Variants in NALF1 observed in about 807,000 individuals in gnomAD.
NALF1 encodes the protein family with sequence similarity 155 member A.
Under a neutral mutation model 48.4 loss-of-function variants are expected in NALF1, and 3 were observed. The observed-to-expected ratio is 0.06, with a 90% confidence interval of 0.03 to 0.16. The LOEUF (loss-of-function observed/expected upper bound fraction) is 0.16. Among genes scored for constraint, NALF1 ranks in the 10% least tolerant of loss-of-function variants. The probability of loss-of-function intolerance (pLI) is 1.00; values close to 1 mark genes in which losing one functional copy is unlikely to be tolerated. For synonymous variants in NALF1, 262 were observed against 245.7 expected (o/e 1.07, Z -0.62); for missense variants, 526 against 571.5 (o/e 0.92, Z 0.81).
chr13:107,552,907 T>C (rs1877339514), intron 1 of NALF1, among the ~76,000 whole-genome samples: 1 of 152,074 alleles, frequency 6.6e-6, no homozygotes, highest in African/African-American at 2.4e-5. Context: ...CAATATTAAA[T>C]AGAGCTTAAA....
In NALF1 at chr13:107,476,906, A is replaced by G. The variant is rs544102018; in HGVS notation, c.916-266151T>C. 2.6e-5 allele frequency among the ~76,000 whole-genome samples: 4 copies of G among 152,224 alleles called. No homozygotes were observed. In the East Asian group the frequency reaches 7.7e-4, roughly 29 times the overall value. On this transcript the variant is annotated intron_variant, in intron 1 of 2. Coordinates refer to ENST00000375915, the MANE Select transcript of NALF1 (RefSeq NM_001080396.3). ...TTTGTAAGTCAATAAACAATTTAGG[A>G]AAGTAAGTAGAGAATTAAAATGGAC...
chr13:107,558,718 C>T (rs1254902803), intron 1 of NALF1, among the ~76,000 whole-genome samples: 4 of 152,246 alleles, frequency 2.6e-5, no homozygotes, highest in East Asian at 1.9e-4. Flanking sequence ...TGTTTCAGGG[C>T]GTTTCCCAGA....
intron 1 of NALF1, among the ~76,000 whole-genome samples, chr13:107,230,499 C>CATT (rs780422572): frequency 1.6e-4 from 25 of 151,948 alleles, no homozygotes; most frequent in Non-Finnish European, 2.9e-4. Flanking sequence ...CATCCATCCT[C>CATT]ATTATTATTA....
intron 1 of NALF1, among the ~76,000 whole-genome samples, chr13:107,274,035 GA>G (rs2138866551): frequency 1.5e-5 from 1 of 64,826 alleles, no homozygotes; most frequent in South Asian, 1.0e-3. Context: ...GATCTGTTTT[GA>G]TTTTTTTTTT....
intron 1 of NALF1, among the ~76,000 whole-genome samples, chr13:107,295,253 T>C (rs1881703786): frequency 6.6e-6 from 1 of 152,222 alleles, no homozygotes; most frequent in African/African-American, 2.4e-5. Flanking sequence ...TGCTTTTCTG[T>C]GTCTGCATTA....
rs530433505 is a variant in NALF1 at position 107,209,112 on chromosome 13, G to A, written c.1087+1472C>T. ...TGCACTTTCTAATTTACTAGTGAAGGGGTGGTGCCTCTGAGAGAATGTACA... is the reference window on the plus strand; with the variant it reads ...TGCACTTTCTAATTTACTAGTGAAGAGGTGGTGCCTCTGAGAGAATGTACA... On this transcript the variant is annotated intron_variant, in intron 2 of 2. Transcript: ENST00000375915. Among the ~76,000 whole-genome samples the A allele has an allele frequency of 1.1e-4, 16 of 152,300 alleles. No homozygotes were observed. In the South Asian group the frequency reaches 3.3e-3, roughly 32 times the overall value.
At chr13:107,562,475 T>C (rs2138394447) in intron 1 of NALF1, among the ~76,000 whole-genome samples, 1 of 152,340 alleles carries the variant, frequency 6.6e-6, no homozygotes, top group Admixed American at 6.5e-5. Context: ...TCCTGCTTTG[T>C]ATGCATCCCA....
chr13:107,646,954 G>T (rs1880329707), intron 1 of NALF1, among the ~76,000 whole-genome samples: 1 of 151,962 alleles, frequency 6.6e-6, no homozygotes. Flanking sequence ...AAATTAAAAT[G>T]CACTCACCTG....
intron 1 of NALF1, among the ~76,000 whole-genome samples, chr13:107,718,370 A>G (rs1179168628): frequency 6.6e-6 from 1 of 152,188 alleles, no homozygotes; most frequent in African/African-American, 2.4e-5. Flanking sequence ...CAGTTCCCAC[A>G]GAACCTGCCT....
intron 1 of NALF1, among the ~76,000 whole-genome samples, chr13:107,757,723 A>C (rs935765968): frequency 2.6e-5 from 4 of 152,188 alleles, no homozygotes; most frequent in African/African-American, 7.2e-5. Flanking sequence ...TGTCTGTCCT[A>C]AGACCTTAAG....
chr13:107,264,814 A>G (rs1230731008), intron 1 of NALF1, among the ~76,000 whole-genome samples: 1 of 152,192 alleles, frequency 6.6e-6, no homozygotes, highest in Non-Finnish European at 1.5e-5. Context: ...ATGATGTTTT[A>G]GACTTTGATG....
intron 1 of NALF1, among the ~76,000 whole-genome samples, chr13:107,291,847 TA>T (rs1378871296): frequency 6.6e-6 from 1 of 152,212 alleles, no homozygotes; most frequent in Non-Finnish European, 1.5e-5. Context: ...ATATTGTAGA[TA>T]TTTTACTTTA....
chr13:107,511,091 C>T (rs981699875), intron 1 of NALF1, among the ~76,000 whole-genome samples: 6 of 152,258 alleles, frequency 3.9e-5, no homozygotes, highest in South Asian at 2.1e-4. Flanking sequence ...TGCTTTCCCA[C>T]GCTGGGTTCC....
chr13:107,269,898 C>G (rs1264780585), intron 1 of NALF1, among the ~76,000 whole-genome samples: 7 of 149,702 alleles, frequency 4.7e-5, no homozygotes, highest in African/African-American at 1.7e-4. Flanking sequence ...AGGTGCCCAC[C>G]ACCACGCCCG....
At chr13:107,708,210 C>T (rs1490858738) in intron 1 of NALF1, among the ~76,000 whole-genome samples, 1 of 152,132 alleles carries the variant, frequency 6.6e-6, no homozygotes, top group Non-Finnish European at 1.5e-5. Context: ...TGTCTGAAAT[C>T]AGGAAACTCT....
chr13:107,536,387 C>A lies in NALF1; in HGVS notation c.916-325632G>T, dbSNP rs1432229260. ...GAACTCAAACAAATTTACAAGAAAA[C>A]AACAAACAACCCCATCAAAAAGTGG... On this transcript the variant is annotated intron_variant, in intron 1 of 2. Transcript: ENST00000375915. Among the ~76,000 whole-genome samples the A allele has an allele frequency of 2.1e-4, 32 of 151,968 alleles. 1 individual carries two copies. In the South Asian group the frequency reaches 5.2e-3, roughly 25 times the overall value.
intron 1 of NALF1, among the ~76,000 whole-genome samples, chr13:107,782,963 G>A (rs532884020): frequency 6.7e-6 from 1 of 148,482 alleles, no homozygotes; most frequent in Admixed American, 6.6e-5. Context: ...GTCCGGGAGG[G>A]AGGTGGGGGG....
intron 1 of NALF1, among the ~76,000 whole-genome samples, chr13:107,235,322 T>A (rs1176599563): frequency 6.6e-6 from 1 of 152,156 alleles, no homozygotes; most frequent in African/African-American, 2.4e-5. Flanking sequence ...AACATAAAAA[T>A]AATCCAGGTT....
chr13:107,393,600 C>T (rs566360472), intron 1 of NALF1, among the ~76,000 whole-genome samples: 2 of 152,144 alleles, frequency 1.3e-5, no homozygotes, highest in East Asian at 3.9e-4. Flanking sequence ...TAGGTTTCTC[C>T]CTTCAATAGA....
Sources: allele counts gnomAD v4.1 joint callset (sites outside exome capture counted in the v4.1 genomes callset), GRCh38; gene constraint gnomAD v4.1.1; transcripts MANE v1.5; gene names NCBI Gene and HGNC (gene_info 2026-07-23, HGNC 2026-07-21).